The following CNTN5 variants were observed in gnomAD, a reference collection of about 807,000 sequenced individuals.
CNTN5 encodes contactin 5.
A neutral mutation model predicts 129.1 loss-of-function variants in CNTN5; 77 were observed. The ratio of observed to expected loss-of-function variants is 0.60; its 90% CI spans 0.50 to 0.72. CNTN5 has a LOEUF of 0.72. CNTN5 is among the 30% of genes least tolerant of loss of function. The pLI, the probability that CNTN5 is intolerant of heterozygous loss-of-function variation, is 0.00. For synonymous variants in CNTN5, 509 were observed against 465.6 expected, an observed-to-expected ratio of 1.09 and a Z score of -1.20; for missense variants, 1,478 against 1,328.8, an observed-to-expected ratio of 1.11 and a Z score of -1.75.
chr11:99,845,990 C>T (rs1947681001), intron 6 of CNTN5, among the ~76,000 whole-genome samples: 1 of 151,962 alleles, frequency 6.6e-6, no homozygotes, highest in Non-Finnish European at 1.5e-5. Context: ...TATAAGATAG[C>T]ATATTCTAAA....
chr11:100,160,520 T>C (rs916109073), intron 13 of CNTN5, among the ~76,000 whole-genome samples: 24 of 151,850 alleles, frequency 1.6e-4, no homozygotes, highest in African/African-American at 5.8e-4. Flanking sequence ...CCAGTAGAAA[T>C]GTAGTTTCAT....
intron 13 of CNTN5, among the ~76,000 whole-genome samples, chr11:100,152,197 A>G (rs1010046922): frequency 6.6e-6 from 1 of 151,984 alleles, no homozygotes; most frequent in African/African-American, 2.4e-5. Flanking sequence ...TTAACCCCAA[A>G]GGCTTCTTCC....
At chr11:99,324,901 A>G (rs1865717716) in intron 1 of CNTN5, among the ~76,000 whole-genome samples, 1 of 152,176 alleles carries the variant, frequency 6.6e-6, no homozygotes, top group African/African-American at 2.4e-5. Flanking sequence ...TCGGCCTCCC[A>G]AAGTGCCTGG....
At chr11:99,804,788 T>C (rs1300332491) in intron 3 of CNTN5, among the ~76,000 whole-genome samples, 1 of 150,680 alleles carries the variant, frequency 6.6e-6, no homozygotes, top group Admixed American at 6.6e-5. Flanking sequence ...CAGAATATGG[T>C]AAAATGATTT....
chr11:99,360,297 A>G (rs779938040), intron 2 of CNTN5, among the ~76,000 whole-genome samples: 4 of 152,134 alleles, frequency 2.6e-5, no homozygotes, highest in Non-Finnish European at 5.9e-5. Flanking sequence ...TTCATACTGC[A>G]TATTAGCTTC....
At chr11:99,110,101 G>A (rs1270976400) in intron 1 of CNTN5, among the ~76,000 whole-genome samples, 1 of 152,098 alleles carries the variant, frequency 6.6e-6, no homozygotes, top group Non-Finnish European at 1.5e-5. Context: ...ACCTCGCTCG[G>A]AGTGCACAGA....
chr11:99,219,135 T>A lies in CNTN5; in HGVS notation c.-209-106211T>A, dbSNP rs191743778. On this transcript the variant is annotated intron_variant, in intron 1 of 24. Transcript: ENST00000524871. ...CATTTATTTATATATTCAACAAATA[T>A]TTACTAAGTGACTGATACTATTCTA... Among the ~76,000 whole-genome samples, 195 of 152,132 alleles carry A rather than the reference T, an allele frequency of 1.3e-3. 1 individual carries two copies. The highest frequency in any genetic ancestry group is 4.4e-3 in the African/African-American group (183 of 41,532).
chr11:100,240,219 A>ACCCCCCCCCCCCCC (rs1468030423), intron 16 of CNTN5, among the ~76,000 whole-genome samples: 1 of 149,700 alleles, frequency 6.7e-6, no homozygotes, highest in African/African-American at 2.5e-5. Flanking sequence ...AATTATCAAC[A>ACCCCCCCCCCCCCC]CCCCGCCCCA....
At chr11:100,019,545 T>C (rs1402765902) in intron 9 of CNTN5, among the ~76,000 whole-genome samples, 1 of 151,980 alleles carries the variant, frequency 6.6e-6, no homozygotes, top group African/African-American at 2.4e-5. Context: ...CAAGGGTGAA[T>C]AATATTCCAT....
intron 2 of CNTN5, among the ~76,000 whole-genome samples, chr11:99,466,920 C>A (rs1159121754): frequency 2.0e-5 from 3 of 152,072 alleles, no homozygotes; most frequent in Non-Finnish European, 4.4e-5. Flanking sequence ...AATCACCTAG[C>A]CTTACTCAAC....
intron 3 of CNTN5, among the ~76,000 whole-genome samples, chr11:99,791,101 C>T (rs1446218505): frequency 1.8e-5 from 2 of 113,482 alleles, no homozygotes; most frequent in Admixed American, 1.9e-4. Context: ...GTGTTGTTTA[C>T]TTTGTTGATA....
chr11:100,175,924 C>T (rs1395739596), intron 13 of CNTN5, among the ~76,000 whole-genome samples: 4 of 152,064 alleles, frequency 2.6e-5, no homozygotes, highest in Admixed American at 1.3e-4. Flanking sequence ...TGCATTATAT[C>T]AAAAATAATA....
chr11:99,518,458 G>T (rs1385240593), intron 2 of CNTN5, among the ~76,000 whole-genome samples: 1 of 152,078 alleles, frequency 6.6e-6, no homozygotes, highest in African/African-American at 2.4e-5. Context: ...AAATCATGAA[G>T]TGGGTCTTCA....
intron 9 of CNTN5, among the ~76,000 whole-genome samples, chr11:100,041,156 C>G (rs142117554): frequency 1.6e-3 from 250 of 152,274 alleles, no homozygotes; most frequent in Non-Finnish European, 2.8e-3. Context: ...CTTTTTCTCT[C>G]ACAGCTCCAG....
rs748227638 is a variant in CNTN5, at chr11:100,271,088, A to G, written c.2165-4A>G. The G allele has an allele frequency of 2.5e-5, 40 of 1,592,252 alleles. No homozygotes were observed. Among genetic ancestry groups the G allele is most frequent in the African/African-American group, 5.4e-5 (4 of 73,792 alleles). On this transcript the variant is annotated splice_region_variant and splice_polypyrimidine_tract_variant and intron_variant, in intron 17 of 24. Transcript: ENST00000524871. Reference sequence around the variant, plus strand: ...ATGACATGAAATTTCCTTCCTTTCTATAGTCCCAGAAATCATAACAGGGGA... The same window carrying G: ...ATGACATGAAATTTCCTTCCTTTCTGTAGTCCCAGAAATCATAACAGGGGA...
Position 100,341,313 on chromosome 11 carries a change from C to T in CNTN5, c.3030+108C>T, listed in dbSNP as rs1007798178. 5.2e-6 allele frequency: 4 copies of T among 774,114 alleles called. No individual in the cohort carries two copies. In the African/African-American group the frequency reaches 6.9e-5, roughly 13 times the overall value. The allele number at this position is 774,114 out of a possible 1,614,324, so 48.0% of individuals were successfully genotyped here. A position where few individuals can be genotyped will look rare whatever the true frequency, so the allele number is the denominator to read the frequency against. On this transcript the variant is annotated intron_variant, in intron 23 of 24. Coordinates refer to ENST00000524871, the MANE Select transcript of CNTN5 (RefSeq NM_014361.4). ...AGACCCATTAACCAACCTATTTTTTCTCAGTCATTTTCTATCTGTATCTTA... is the reference window on the plus strand; with the variant it reads ...AGACCCATTAACCAACCTATTTTTTTTCAGTCATTTTCTATCTGTATCTTA...
intron 20 of CNTN5, 76 bp from the exon 21 acceptor site, chr11:100,308,283 A>G (rs1591500877): frequency 2.3e-6 from 3 of 1,301,304 alleles, no homozygotes; most frequent in Non-Finnish European, 3.2e-6. Context: ...GAGGAATTTA[A>G]CACCTGACAG....
intron 1 of CNTN5, among the ~76,000 whole-genome samples, chr11:99,159,309 A>G (rs1860484230): frequency 1.3e-5 from 2 of 152,204 alleles, no homozygotes; most frequent in East Asian, 1.9e-4. Context: ...GGCAGGCAAC[A>G]TATCTAATAC....
rs1035826750 is a variant in CNTN5, at chr11:99,788,995, T to A, written c.56-30549T>A. Among the ~76,000 whole-genome samples the A allele has an allele frequency of 7.2e-4, 110 of 151,936 alleles. 1 individual carries two copies. Among genetic ancestry groups the A allele is most frequent in the African/African-American group, 2.5e-3 (105 of 41,524 alleles). On this transcript the variant is annotated intron_variant, in intron 3 of 24. Transcript: ENST00000524871. Reference sequence around the variant, plus strand: ...TAATATTTTATTTCTAAACCTTTTATTAAAATTATATTGTAAAAATCTAAC... The same window carrying A: ...TAATATTTTATTTCTAAACCTTTTAATAAAATTATATTGTAAAAATCTAAC...
Sources: allele counts gnomAD v4.1 joint callset (sites outside exome capture counted in the v4.1 genomes callset), GRCh38; gene constraint gnomAD v4.1.1; transcripts MANE v1.5; gene names NCBI Gene and HGNC (gene_info 2026-07-23, HGNC 2026-07-21).